Variants in SPECC1L observed in about 807,000 individuals in gnomAD.
SPECC1L encodes the protein cytospin-A.
Under a neutral mutation model 116.8 loss-of-function variants are expected in SPECC1L, and 40 were observed. The observed-to-expected ratio is 0.34, with a 90% CI of 0.27 to 0.45. SPECC1L has a LOEUF of 0.45. Among genes scored for constraint, SPECC1L ranks in the 20% least tolerant of loss-of-function variants. The pLI, the probability that SPECC1L is intolerant of heterozygous loss-of-function variation, is 1.00. For missense variants in SPECC1L, 1,110 were observed against 1,373.6 expected (o/e 0.81, Z 3.03); for synonymous variants, 504 against 500.6 (o/e 1.01, Z -0.09).
intron 10 of SPECC1L, among the ~76,000 whole-genome samples, chr22:24,346,549 A>G (rs542323664): frequency 6.6e-6 from 1 of 152,230 alleles, no homozygotes; most frequent in Non-Finnish European, 1.5e-5. Context: ...GGTTTGTGAT[A>G]CTTTAAAGAT....
intron 1 of SPECC1L, among the ~76,000 whole-genome samples, 172 bp downstream of exon 1, chr22:24,271,155 C>T (rs1255151254): frequency 2.0e-5 from 3 of 152,262 alleles, no homozygotes; most frequent in Non-Finnish European, 4.4e-5. Flanking sequence ...CCTTTCCCTT[C>T]CCGCGCCGTC....
chr22:24,314,755 T>C (rs541449433), intron 4 of SPECC1L, among the ~76,000 whole-genome samples: 1 of 152,370 alleles, frequency 6.6e-6, no homozygotes, highest in East Asian at 1.9e-4. Context: ...TCAGGTCCCC[T>C]GTCCCCCCAT....
chr22:24,317,695 G>C (rs1403006437), intron 4 of SPECC1L, among the ~76,000 whole-genome samples: 14 of 152,160 alleles, frequency 9.2e-5, no homozygotes, highest in Non-Finnish European at 1.8e-4. Context: ...CGGGGTGGCT[G>C]CCCGGCAGAG....
intron 2 of SPECC1L, 122 bp from the exon 3 acceptor site, chr22:24,302,073 T>G: frequency 1.2e-6 from 1 of 803,738 alleles, no homozygotes; most frequent in Non-Finnish European, 2.0e-6. Context: ...TTTTTTCAAC[T>G]TTTCTGTAGT....
chr22:24,289,776 C>A (rs1266093801), intron 2 of SPECC1L, among the ~76,000 whole-genome samples: 4 of 151,264 alleles, frequency 2.6e-5, no homozygotes, highest in African/African-American at 9.7e-5. Context: ...GCTTTCCTCT[C>A]TAACCAAAGT....
At chr22:24,348,317 T>C (rs2041346603) in intron 11 of SPECC1L, among the ~76,000 whole-genome samples, 1 of 152,152 alleles carries the variant, frequency 6.6e-6, no homozygotes, top group Non-Finnish European at 1.5e-5. Flanking sequence ...TAAGCAGACT[T>C]GTGAAAAGTA....
chr22:24,319,942 A>C (rs1173229190), intron 4 of SPECC1L, among the ~76,000 whole-genome samples: 1 of 152,218 alleles, frequency 6.6e-6, no homozygotes, highest in Non-Finnish European at 1.5e-5. Context: ...ATTTAAACAT[A>C]TTCCTGGCCA....
At chr22:24,405,188 T>C (rs2042561080) in intron 14 of SPECC1L, among the ~76,000 whole-genome samples, 1 of 152,168 alleles carries the variant, frequency 6.6e-6, no homozygotes, top group Non-Finnish European at 1.5e-5. Flanking sequence ...CCGTTGTGTT[T>C]TGAGTGAGAA....
At chr22:24,380,861 CT>C (rs144942358) in intron 14 of SPECC1L, among the ~76,000 whole-genome samples, 1 of 152,014 alleles carries the variant, frequency 6.6e-6, no homozygotes, top group African/African-American at 2.4e-5. Flanking sequence ...TTGGGTCTTC[CT>C]TTTTTTCTCT....
intron 5 of SPECC1L, among the ~76,000 whole-genome samples, chr22:24,323,547 A>T (rs1435874303): frequency 6.6e-6 from 1 of 152,184 alleles, no homozygotes; most frequent in Non-Finnish European, 1.5e-5. Flanking sequence ...GGATCTATCT[A>T]TACCCCATGT....
rs2042778561 is a variant in SPECC1L, at chr22:24,415,194, G to GACACAATCC, written c.*573_*581dup. On this transcript the variant is annotated 3_prime_UTR_variant, in exon 17 of 17. Transcript: ENST00000314328. ...CACACCTGACGGGGCTGTCCCGGCC[G>GACACAATCC]ACACAATCCAGGCGTGTTCAGCCTG... 1 of 173,934 alleles carries GACACAATCC rather than the reference G, an allele frequency of 5.7e-6. No individual in the cohort carries two copies. Among genetic ancestry groups the GACACAATCC allele is most frequent in the African/African-American group, 2.4e-5 (1 of 42,180 alleles). 10.8% of individuals were successfully genotyped at this position (173,934 alleles called of 1,614,324 possible).
At chr22:24,320,375 TAAGTA>T (rs1362633454) in intron 4 of SPECC1L, among the ~76,000 whole-genome samples, 4 of 152,356 alleles carry the variant, frequency 2.6e-5, no homozygotes, top group Non-Finnish European at 5.9e-5. Context: ...TTTTAGTAGT[TAAGTA>T]ATCATGTGAT....
intron 11 of SPECC1L, among the ~76,000 whole-genome samples, chr22:24,357,616 T>G (rs2041558001): frequency 6.6e-6 from 1 of 152,174 alleles, no homozygotes; most frequent in Admixed American, 6.5e-5. Context: ...ATGGACACCT[T>G]TTTTCTTCTA....
At chr22:24,399,522 A>C (rs927220905) in intron 14 of SPECC1L, among the ~76,000 whole-genome samples, 5 of 152,130 alleles carry the variant, frequency 3.3e-5, no homozygotes, top group Admixed American at 3.3e-4. Flanking sequence ...GTGAGCTGAG[A>C]TCCGCGCCAC....
intron 14 of SPECC1L, among the ~76,000 whole-genome samples, chr22:24,401,599 T>C (rs2042475176): frequency 1.3e-5 from 2 of 152,242 alleles, no homozygotes; most frequent in African/African-American, 4.8e-5. Context: ...AGGTGCTTGT[T>C]CCTCTCCCTT....
intron 14 of SPECC1L, among the ~76,000 whole-genome samples, chr22:24,369,865 T>C (rs1367683188): frequency 6.6e-6 from 1 of 152,256 alleles, no homozygotes; most frequent in Non-Finnish European, 1.5e-5. Context: ...GAGCAGACTC[T>C]AATTCTCCAT....
intron 11 of SPECC1L, among the ~76,000 whole-genome samples, chr22:24,355,335 A>ATTGCT (rs2041509366): frequency 6.6e-6 from 1 of 151,030 alleles, no homozygotes; most frequent in African/African-American, 2.4e-5. Flanking sequence ...AAATGTGCTC[A>ATTGCT]TTGCTACTGG....
At chr22:24,301,266 A>G (rs1170795309) in intron 2 of SPECC1L, among the ~76,000 whole-genome samples, 2 of 152,218 alleles carry the variant, frequency 1.3e-5, no homozygotes, top group South Asian at 4.1e-4. Flanking sequence ...AAACAAATTT[A>G]CAAGAAGAAA....
chr22:24,288,020 T>C (rs2049076068), intron 2 of SPECC1L, among the ~76,000 whole-genome samples: 1 of 152,136 alleles, frequency 6.6e-6, no homozygotes. Context: ...CCTGGAACTG[T>C]ATCCTTTCCT....
Sources: allele counts gnomAD v4.1 joint callset (sites outside exome capture counted in the v4.1 genomes callset), GRCh38; gene constraint gnomAD v4.1.1; transcripts MANE v1.5; gene names NCBI Gene and HGNC (gene_info 2026-07-23, HGNC 2026-07-21).